PRTG: variants seen among roughly 807,000 people sequenced by gnomAD.
The protein encoded by PRTG is protogenin, also known as immunoglobulin superfamily, DCC subclass, member 5.
A neutral mutation model predicts 122.5 loss-of-function variants in PRTG; 67 were observed. The observed-to-expected ratio is 0.55, with a 90% confidence interval of 0.45 to 0.67. The LOEUF (loss-of-function observed/expected upper bound fraction) is 0.67, where lower values mean the gene tolerates loss of function less well. PRTG is among the 30% of genes least tolerant of loss of function. The probability of loss-of-function intolerance (pLI) is 0.00; values close to 1 mark genes in which losing one functional copy is unlikely to be tolerated. For missense variants in PRTG, 1,435 were observed against 1,415.4 expected, an observed-to-expected ratio of 1.01 and a Z score of -0.22; for synonymous variants, 554 against 501.1, an observed-to-expected ratio of 1.11 and a Z score of -1.41.
chr15:55,682,647 G>T, intron 3 of PRTG, 150 bp from the exon 4 acceptor site: 1 of 284,510 alleles, frequency 3.5e-6, no homozygotes, highest in Non-Finnish European at 5.9e-6. Flanking sequence ...TCACTGGAAC[G>T]TCTGTCTCCA....
intron 2 of PRTG, among the ~76,000 whole-genome samples, chr15:55,696,564 A>G (rs541826534): frequency 6.6e-6 from 1 of 152,208 alleles, no homozygotes; most frequent in Non-Finnish European, 1.5e-5. Flanking sequence ...AGTTAACCAA[A>G]GAACAGGTTT....
intron 2 of PRTG, among the ~76,000 whole-genome samples, chr15:55,729,152 A>T (rs187858594): frequency 1.2e-4 from 18 of 152,346 alleles, no homozygotes; most frequent in Admixed American, 1.0e-3. Flanking sequence ...GGTAAACAAA[A>T]CATGGTCTAT....
Position 55,619,907 on chromosome 15 carries a change from G to A in PRTG, c.*105C>T, listed in dbSNP as rs1275406082. The A allele has an allele frequency of 1.6e-5, 24 of 1,529,928 alleles. No homozygotes were observed. Among genetic ancestry groups the A allele is most frequent in the South Asian group, 7.8e-5 (6 of 76,956 alleles). The allele number at this position is 1,529,928 out of a possible 1,614,324, so 94.8% of individuals were successfully genotyped here. On this transcript the variant is annotated 3_prime_UTR_variant, in exon 20 of 20. Coordinates refer to ENST00000389286, the MANE Select transcript of PRTG (RefSeq NM_173814.6). ...ATCAAAGCATAGCATGGCAGATGGC[G>A]GCTGCAGAACTAAGGAGGAAGTCTG...
chr15:55,627,074 C>A lies in PRTG; in HGVS notation c.2861G>T (p.Gly954Val), dbSNP rs2059199044. 2 of 1,610,616 alleles carry A rather than the reference C, an allele frequency of 1.2e-6. No individual in the cohort carries two copies. The highest frequency in any genetic ancestry group is 2.2e-5 in the South Asian group (2 of 90,860). The change falls in exon 17 of 20, where the codon GGT becomes GTT. Residue 954 changes from glycine (G) to valine (V), a missense_variant. Transcript: ENST00000389286. ...DQKSMTGIAV[G>V]VGIALTCILI... ...GATGCAGGTCAAGGCTATGCCAACA[C>A]CTACAGCAATGCCAGTCATTGATTT...
intron 2 of PRTG, chr15:55,738,073 T>A (rs1477901779): frequency 7.2e-6 from 1 of 138,028 alleles, no homozygotes; most frequent in Non-Finnish European, 1.6e-5. Flanking sequence ...TTCCTGTAAA[T>A]ATATATATAT....
intron 2 of PRTG, among the ~76,000 whole-genome samples, chr15:55,698,055 C>G (rs2059641463): frequency 6.6e-6 from 1 of 152,168 alleles, no homozygotes; most frequent in African/African-American, 2.4e-5. Flanking sequence ...ACCATTCCAA[C>G]TTGCACCAAG....
rs910653361 is a variant in PRTG, at chr15:55,614,711, T to C, written c.*5301A>G. Reference sequence around the variant, plus strand: ...AAGATAAATTGTTTCACAAGTATTTTGGAGAGAAAGTTTAGTGTATAATTT... The same window carrying C: ...AAGATAAATTGTTTCACAAGTATTTCGGAGAGAAAGTTTAGTGTATAATTT... On this transcript the variant is annotated 3_prime_UTR_variant, in exon 20 of 20. Coordinates refer to ENST00000389286, the MANE Select transcript of PRTG (RefSeq NM_173814.6). 1.3e-5 allele frequency: 2 copies of C among 152,180 alleles called. No individual in the cohort carries two copies. Among genetic ancestry groups the C allele is most frequent in the African/African-American group, 4.8e-5 (2 of 41,464 alleles). 9.4% of individuals were successfully genotyped at this position (152,180 alleles called of 1,614,324 possible).
chr15:55,720,933 C>A (rs1351344024), intron 2 of PRTG, among the ~76,000 whole-genome samples: 1 of 152,110 alleles, frequency 6.6e-6, no homozygotes, highest in Non-Finnish European at 1.5e-5. Context: ...CTCCCAACTG[C>A]TTTCTTGGAT....
At chr15:55,654,829 T>A (rs1475504321) in intron 11 of PRTG, among the ~76,000 whole-genome samples, 3 of 152,224 alleles carry the variant, frequency 2.0e-5, no homozygotes, top group African/African-American at 7.2e-5. Context: ...GGGCTTGCCA[T>A]GCCATTTTGA....
rs141111004 is a variant in PRTG, at chr15:55,630,451, T to C, written c.2624-1447A>G. ...CCTAATTATTGTCACAGATTCAAGA[T>C]AAACAGGGAAGAAAATGCACAGTTA... On this transcript the variant is annotated intron_variant, in intron 15 of 19. Transcript: ENST00000389286. 7.2e-3 allele frequency among the ~76,000 whole-genome samples: 1,101 copies of C among 152,230 alleles called. 10 individuals carry two copies. The highest frequency in any genetic ancestry group is 8.4e-3 in the Non-Finnish European group (569 of 68,014).
chr15:55,653,230 T>C (rs2059362627), intron 11 of PRTG, among the ~76,000 whole-genome samples: 2 of 152,164 alleles, frequency 1.3e-5, no homozygotes, highest in African/African-American at 2.4e-5. Context: ...GTGTATTCTA[T>C]ATACAGCTTT....
Position 55,677,927 on chromosome 15 carries a change from G to A in PRTG, c.1251C>T (p.Asp417=), listed in dbSNP as rs908149773. The A allele has an allele frequency of 6.2e-7, 1 of 1,613,914 alleles. No individual in the cohort carries two copies. Among genetic ancestry groups the A allele is most frequent in the Admixed American group, 1.7e-5 (1 of 60,006 alleles). Residue 417 remains aspartate, a synonymous_variant, in exon 8 of 20, where the codon GAC becomes GAT. Coordinates refer to ENST00000389286, the MANE Select transcript of PRTG (RefSeq NM_173814.6). ...GTACATTATAGGGAGCACTGGGTCTGTCTTCTGACATCACTACAGTCAGTC... is the reference window on the plus strand; with the variant it reads ...GTACATTATAGGGAGCACTGGGTCTATCTTCTGACATCACTACAGTCAGTC... ...RARLTVVMSE[D]RPSAPYNVHA...
In PRTG at chr15:55,720,584, C is replaced by A. The variant is rs562406710; in HGVS notation, c.397+19798G>T. Among the ~76,000 whole-genome samples, 39 of 152,230 alleles carry A rather than the reference C, an allele frequency of 2.6e-4. No homozygotes were observed. The South Asian group carries it at 8.1e-3, about 32-fold the overall frequency. Reference sequence around the variant, plus strand: ...GGTCGTCCATCTACCTTCCTGACAACTGTTTGTGTTTCTTTTGGTTGTCCT... The same window carrying A: ...GGTCGTCCATCTACCTTCCTGACAAATGTTTGTGTTTCTTTTGGTTGTCCT... On this transcript the variant is annotated intron_variant, in intron 2 of 19. Coordinates refer to ENST00000389286, the MANE Select transcript of PRTG (RefSeq NM_173814.6).
intron 15 of PRTG, among the ~76,000 whole-genome samples, chr15:55,630,217 CCCT>C (rs1261858950): frequency 6.6e-6 from 1 of 152,028 alleles, no homozygotes; most frequent in Non-Finnish European, 1.5e-5. Context: ...CGATCTCCTG[CCCT>C]CGTGATCTGC....
At chr15:55,740,788 G>T in intron 1 of PRTG, 104 bp from the exon 2 acceptor site, 1 of 974,950 alleles carries the variant, frequency 1.0e-6, no homozygotes, top group Non-Finnish European at 1.5e-6. Context: ...AGATGACGAA[G>T]TTTAATAAAT....
At chr15:55,651,431 C>A (rs1240435695) in intron 11 of PRTG, among the ~76,000 whole-genome samples, 5 of 152,136 alleles carry the variant, frequency 3.3e-5, no homozygotes, top group Non-Finnish European at 4.4e-5. Context: ...TACTCTTACA[C>A]TTCAAGACCC....
chr15:55,627,728 T>C (rs916409748), intron 16 of PRTG, among the ~76,000 whole-genome samples: 3 of 152,136 alleles, frequency 2.0e-5, no homozygotes, highest in Non-Finnish European at 2.9e-5. Context: ...GTACAAAACA[T>C]AGATGTTCCT....
chr15:55,635,378 C>T (rs1368186782), intron 15 of PRTG, among the ~76,000 whole-genome samples: 1 of 152,212 alleles, frequency 6.6e-6, no homozygotes, highest in Non-Finnish European at 1.5e-5. Context: ...GCATGAGCCA[C>T]TGCGCCCAGC....
chr15:55,693,769 T>C (rs928028795), intron 2 of PRTG, among the ~76,000 whole-genome samples: 2 of 152,204 alleles, frequency 1.3e-5, no homozygotes, highest in African/African-American at 2.4e-5. Context: ...CATATACATA[T>C]GTGTACCCAG....
Sources: gnomAD v4.1 joint callset for allele counts (sites outside exome capture counted in the v4.1 genomes callset) on GRCh38, gnomAD v4.1.1 for gene constraint, MANE v1.5 for transcripts, NCBI Gene and HGNC (gene_info 2026-07-23, HGNC 2026-07-21) for gene names.